Variants in DECR1 observed in about 807,000 individuals in gnomAD.
DECR1 encodes the protein 2,4-dienoyl-CoA reductase [(3E)-enoyl-CoA-producing], mitochondrial.
A neutral mutation model predicts 38.8 loss-of-function variants in DECR1; 44 were observed. That is an observed-to-expected ratio of 1.13 (90% CI 0.89 to 1.46). DECR1 has a LOEUF of 1.46. DECR1 is among the 40% of genes most tolerant of loss of function. The pLI is 0.00. For missense variants in DECR1, 428 were observed against 405.5 expected (o/e 1.06, Z -0.48); for synonymous variants, 148 against 135.2 (o/e 1.09, Z -0.66).
chr8:90,041,317 TTGTTTG>T (rs1382055242), intron 6 of DECR1, among the ~76,000 whole-genome samples: 2 of 151,986 alleles, frequency 1.3e-5, no homozygotes, highest in Admixed American at 1.3e-4. Flanking sequence ...TTTGATGGGG[TTGTTTG>T]TGTTTAAGTT....
intron 2 of DECR1, among the ~76,000 whole-genome samples, chr8:90,017,575 T>G (rs1252070433): frequency 6.6e-6 from 1 of 152,228 alleles, no homozygotes; most frequent in Non-Finnish European, 1.5e-5. Context: ...TTATTTTAAT[T>G]TCTCCAATTC....
chr8:90,004,135 C>T (rs1185674723), intron 1 of DECR1, among the ~76,000 whole-genome samples: 2 of 151,976 alleles, frequency 1.3e-5, no homozygotes, highest in East Asian at 3.9e-4. Flanking sequence ...CCAACCTGAT[C>T]AACATGGTGA....
chr8:90,030,383 A>G (rs1233696184), intron 5 of DECR1: 2 of 152,186 alleles, frequency 1.3e-5, no homozygotes, highest in Non-Finnish European at 2.9e-5. Context: ...CGTCCATTAC[A>G]AATTCTTTTA....
rs182758257 is a variant in DECR1 at position 90,027,708 on chromosome 8, G to A, written c.565+6652G>A. 3.3e-5 allele frequency among the ~76,000 whole-genome samples: 5 copies of A among 151,722 alleles called. No individual in the cohort carries two copies. The East Asian group carries it at 9.7e-4, about 29-fold the overall frequency. On this transcript the variant is annotated intron_variant, in intron 5 of 9. Coordinates refer to ENST00000220764, the MANE Select transcript of DECR1 (RefSeq NM_001359.2). ...CTGTGTCTTTTAATTGGAGCATTTA[G>A]CCCATTTACATTTAAGATTTATATT...
rs1414224232 is a variant in DECR1, at chr8:90,051,186, A to C, written c.886-491A>C. On this transcript the variant is annotated intron_variant, in intron 8 of 9. Coordinates refer to ENST00000220764, the MANE Select transcript of DECR1 (RefSeq NM_001359.2). ...CTTCAAGTATAATTAAAAAAAAAAA[A>C]AGAAAAGAGGTTTAATTGATTCACT... 3.3e-5 allele frequency among the ~76,000 whole-genome samples: 5 copies of C among 151,880 alleles called. No homozygotes were observed. The East Asian group carries it at 9.7e-4, about 29-fold the overall frequency.
chr8:90,006,398 T>C (rs1239979033), intron 1 of DECR1: 1 of 685,238 alleles, frequency 1.5e-6, no homozygotes, highest in Non-Finnish European at 2.7e-6. Flanking sequence ...GAGTAGTCTA[T>C]GTGAAGGCCC....
intron 2 of DECR1, 97 bp downstream of exon 2, chr8:90,017,423 C>T (rs1813036590): frequency 2.5e-6 from 2 of 803,716 alleles, no homozygotes; most frequent in Non-Finnish European, 3.8e-6. Flanking sequence ...GTTTGATTAG[C>T]ATCTTAATCT....
At position 90,019,187 on chromosome 8, in the gene DECR1, G is replaced by C. The variant is rs746411583; in HGVS notation, c.417+15G>C. 6.2e-7 allele frequency: 1 copy of C among 1,607,314 alleles called. No individual in the cohort carries two copies. Among genetic ancestry groups the C allele is most frequent in the Admixed American group, 1.7e-5 (1 of 59,938 alleles). ...GACATCCTAATGTAAGTGTAGCAAT[G>C]ATGAAGCCAAAGTGCAAGACACTTG... On this transcript the variant is annotated intron_variant, in intron 4 of 9. Transcript: ENST00000220764.
Position 90,020,921 on chromosome 8 carries a change from A to G in DECR1, c.430A>G (p.Asn144Asp), listed in dbSNP as rs765704982. The change falls in exon 5 of 10, where the codon AAT becomes GAT. Residue 144 changes from asparagine (N) to aspartate (D), a missense_variant. Asn to Asp is a conservative substitution (Grantham distance 23). Transcript: ENST00000220764. The part of the protein sequence containing the change: ...VAGHPNIVIN[N>D]AAGNFISPTE... ...GTTCATTTATTAGATTGTGATAAAC[A>G]ATGCAGCAGGGAATTTTATTTCTCC... 23 of 1,568,034 alleles carry G rather than the reference A, an allele frequency of 1.5e-5. No individual in the cohort carries two copies. The highest frequency in any genetic ancestry group is 1.7e-4 in the Middle Eastern group (1 of 5,880).
chr8:90,018,571 A>T (rs1167554762), intron 2 of DECR1: 2 of 170,626 alleles, frequency 1.2e-5, no homozygotes, highest in African/African-American at 4.8e-5. Context: ...GAATAAATGT[A>T]GTCTCTTTGA....
intron 5 of DECR1, among the ~76,000 whole-genome samples, chr8:90,021,384 A>G (rs2130063275): frequency 6.6e-6 from 1 of 152,148 alleles, no homozygotes; most frequent in East Asian, 1.9e-4. Flanking sequence ...GTGAATGTCA[A>G]TGGATAGAGG....
Position 90,053,585 on chromosome 8 carries a change from A to G in DECR1, c.*1688A>G, listed in dbSNP as rs1041525814. ...CATATTTCTCTTTCTGGTTAAATTT[A>G]TACTAAATGTTTACATTTATATAAC... On this transcript the variant is annotated 3_prime_UTR_variant, in exon 10 of 10. Transcript: ENST00000220764. 1.2e-4 allele frequency among the ~76,000 whole-genome samples: 18 copies of G among 152,152 alleles called. No homozygotes were observed. The highest frequency in any genetic ancestry group is 3.9e-4 in the African/African-American group (16 of 41,436).
chr8:90,043,130 G>A (rs1813804754), intron 7 of DECR1, among the ~76,000 whole-genome samples: 1 of 152,010 alleles, frequency 6.6e-6, no homozygotes, highest in East Asian at 1.9e-4. Context: ...ACATTTTAAA[G>A]GCTCCTACAT....
At chr8:90,042,481 G>A in intron 6 of DECR1, 1 of 508,564 alleles carries the variant, frequency 2.0e-6, no homozygotes. Context: ...GTACAGTAGA[G>A]TGACTAAGGG....
intron 1 of DECR1, 174 bp from the exon 2 acceptor site, chr8:90,016,950 C>A: frequency 3.5e-6 from 2 of 568,876 alleles, no homozygotes; most frequent in South Asian, 4.2e-5. Flanking sequence ...AGAGCCTGTG[C>A]TTTTTAAATC....
chr8:90,001,515 T>G lies in DECR1; in HGVS notation c.23T>G (p.Phe8Cys), dbSNP rs753452262. The G allele has an allele frequency of 1.9e-6, 3 of 1,613,902 alleles. No individual in the cohort carries two copies. The highest frequency in any genetic ancestry group is 2.5e-6 in the Non-Finnish European group (3 of 1,179,938). ...AACATGAAGCTACCGGCCAGGGTTT[T>G]CTTTACTCTGGGGTCCCGGCTGCCC... The part of the protein sequence containing the change: MKLPARV[F>C]FTLGSRLPCG... The change falls in exon 1 of 10, where the codon TTC becomes TGC. Residue 8 changes from phenylalanine to cysteine, a missense_variant. By Grantham distance (205) the Phe-to-Cys change is radical. Transcript: ENST00000220764.
intron 5 of DECR1, among the ~76,000 whole-genome samples, chr8:90,036,148 A>C (rs904074354): frequency 6.6e-6 from 1 of 152,164 alleles, no homozygotes; most frequent in South Asian, 2.1e-4. Context: ...ATGGAGTTCT[A>C]TTAATATCTC....
chr8:90,033,103 C>T (rs1452363615), intron 5 of DECR1, among the ~76,000 whole-genome samples: 1 of 152,132 alleles, frequency 6.6e-6, no homozygotes. Flanking sequence ...GCCCAGGTGT[C>T]TATACTATTC....
rs1805851 is a variant in DECR1, at chr8:90,002,823, A to C, written c.69+1262A>C. On this transcript the variant is annotated intron_variant, in intron 1 of 9. Coordinates refer to ENST00000220764, the MANE Select transcript of DECR1 (RefSeq NM_001359.2). ...GAAAACTGGGTTATAGATCATTATA[A>C]AGGAAGCCCATATTTTCTGATACTT... is the stretch of plus-strand genomic sequence containing the variant. Among the ~76,000 whole-genome samples the C allele has an allele frequency of 4.9e-3, 743 of 152,296 alleles. 11 individuals carry two copies. The highest frequency in any genetic ancestry group is 0.017 in the Middle Eastern group (5 of 294).
Sources: gnomAD v4.1 joint callset for allele counts (sites outside exome capture counted in the v4.1 genomes callset) on GRCh38, gnomAD v4.1.1 for gene constraint, MANE v1.5 for transcripts, NCBI Gene and HGNC (gene_info 2026-07-23, HGNC 2026-07-21) for gene names.